Variants in PNISR observed in about 807,000 individuals in gnomAD.
The protein encoded by PNISR is PNN interacting serine and arginine rich protein.
PNISR carries 20 observed loss-of-function variants against 93.4 expected under a neutral mutation model. The ratio of observed to expected loss-of-function variants is 0.21; its 90% CI spans 0.15 to 0.31. PNISR has a LOEUF of 0.31. PNISR is among the 10% of genes least tolerant of loss of function. The pLI, the probability that PNISR is intolerant of heterozygous loss-of-function variation, is 1.00. For synonymous variants in PNISR, 305 were observed against 306.5 expected, an observed-to-expected ratio of 0.99 and a Z score of 0.05; for missense variants, 893 against 985.4, an observed-to-expected ratio of 0.91 and a Z score of 1.25.
At chr6:99,404,077 T>C in intron 9 of PNISR, 195 bp from the exon 10 acceptor site, 1 of 540,350 alleles carries the variant, frequency 1.9e-6, no homozygotes, top group East Asian at 3.0e-5. Context: ...TGAGCTGAAA[T>C]TGGTTTATAA....
At position 99,416,399 on chromosome 6, in the gene PNISR, T is replaced by A; in HGVS notation, c.-82A>T. 8.2e-7 allele frequency: 1 copy of A among 1,220,388 alleles called. No individual in the cohort carries two copies. Among genetic ancestry groups the A allele is most frequent in the Non-Finnish European group, 1.0e-6 (1 of 977,698 alleles). 75.6% of individuals were successfully genotyped at this position (1,220,388 alleles called of 1,614,324 possible). On this transcript the variant is annotated 5_prime_UTR_variant, in exon 2 of 12. Coordinates refer to ENST00000369239, the MANE Select transcript of PNISR (RefSeq NM_032870.4). ...ACTTAGGTTGATTCAGACTACAGCT[T>A]CGAAGCATAGCAGCAAGATTATGTA... is the stretch of plus-strand genomic sequence containing the variant.
chr6:99,419,842 T>C (rs1254521700), intron 1 of PNISR, among the ~76,000 whole-genome samples: 1 of 152,068 alleles, frequency 6.6e-6, no homozygotes, highest in African/African-American at 2.4e-5. Context: ...AGCTTGGCAG[T>C]TTTGAGAAGA....
At position 99,399,430 on chromosome 6, in the gene PNISR, G is replaced by A. The variant is rs994555226; in HGVS notation, c.*1110C>T. On this transcript the variant is annotated 3_prime_UTR_variant, in exon 12 of 12. Transcript: ENST00000369239. ...TAATACAGCATTCCTCCATTGATTT[G>A]AGGTCATATTATACTTTAAAAATAT... The A allele has an allele frequency of 6.6e-6, 1 of 152,014 alleles. No homozygotes were observed. The highest frequency in any genetic ancestry group is 1.5e-5 in the Non-Finnish European group (1 of 67,956). 9.4% of individuals were successfully genotyped at this position (152,014 alleles called of 1,614,324 possible).
intron 5 of PNISR, chr6:99,410,044 T>G (rs1200482312): frequency 6.6e-6 from 1 of 152,270 alleles, no homozygotes; most frequent in African/African-American, 2.4e-5. Context: ...TTATCAAATC[T>G]ACCCTAGAAT....
rs1417846736 is a variant in PNISR at position 99,402,702 on chromosome 6, C to T, written c.1165G>A (p.Gly389Ser). ...TCACTGTCTCCTGATCCATAACCAC[C>T]CAGTCCACCTGTGTGCATAAAGCTC... The part of the protein sequence containing the change: ...LASLTGLGGL[G>S]GYGSGDSEDE... Residue 389 changes from glycine to serine, a missense_variant, in exon 11 of 12, where the codon GGT becomes AGT. Physicochemically the swap from Gly to Ser is moderately conservative, Grantham distance 56. This residue lies in a region of PNISR where 866 missense variants were observed against 935.1 expected (regional missense o/e 0.93). Coordinates refer to ENST00000369239, the MANE Select transcript of PNISR (RefSeq NM_032870.4). The T allele has an allele frequency of 1.3e-6, 2 of 1,589,262 alleles. No individual in the cohort carries two copies. Among genetic ancestry groups the T allele is most frequent in the East Asian group, 2.2e-5 (1 of 44,580 alleles).
chr6:99,407,931 A>G, intron 7 of PNISR, 150 bp downstream of exon 7: 1 of 573,728 alleles, frequency 1.7e-6, no homozygotes. Context: ...AGTAACACAT[A>G]TATAAAATCA....
rs948734787 is a variant in PNISR at position 99,401,755 on chromosome 6, G to A, written c.1328-125C>T. On this transcript the variant is annotated intron_variant, in intron 11 of 11. Transcript: ENST00000369239. ...TCAATAGAATTACGATGCAAGCCAT[G>A]TAAGTAATTCAAAATTTTTTAGTAA... 11 of 681,332 alleles carry A rather than the reference G, an allele frequency of 1.6e-5. No homozygotes were observed. The African/African-American group carries it at 2.0e-4, about 13-fold the overall frequency. 42.2% of individuals were successfully genotyped at this position (681,332 alleles called of 1,614,324 possible). A position where few individuals can be genotyped will look rare whatever the true frequency, so the allele number is the denominator to read the frequency against.
At chr6:99,415,463 A>G (rs1256295015) in intron 2 of PNISR, 1 of 152,208 alleles carries the variant, frequency 6.6e-6, no homozygotes. Flanking sequence ...CTTTATGTTA[A>G]TAACTATTAA....
rs772583915 is a variant in PNISR, at chr6:99,410,944, G to A, written c.298C>T (p.Pro100Ser). Residue 100 changes from proline to serine, a missense_variant, in exon 5 of 12, where the codon CCC becomes TCC. Physicochemically the swap from Pro to Ser is moderately conservative, Grantham distance 74 (BLOSUM62 -1). Coordinates refer to ENST00000369239, the MANE Select transcript of PNISR (RefSeq NM_032870.4). Reference sequence around the variant, plus strand: ...GGCTGATCTGGAGGGGGGTGTGGGGGTTGCTGATGCATTCCCCATTCTATT... The same window carrying A: ...GGCTGATCTGGAGGGGGGTGTGGGGATTGCTGATGCATTCCCCATTCTATT... ...WQPEWGMHQQ[P>S]PHPPPDQPWM... The A allele has an allele frequency of 1.1e-5, 17 of 1,612,870 alleles. 1 individual carries two copies. In the South Asian group the frequency reaches 1.8e-4, roughly 17 times the overall value.
intron 1 of PNISR, among the ~76,000 whole-genome samples, chr6:99,419,315 A>C (rs1778235368): frequency 1.3e-5 from 2 of 152,120 alleles, no homozygotes; most frequent in African/African-American, 4.8e-5. Flanking sequence ...AATTGGCAGC[A>C]TATTTTGTAA....
chr6:99,403,548 T>TTA (rs112668668), intron 10 of PNISR: 10 of 193,510 alleles, frequency 5.2e-5, no homozygotes, highest in African/African-American at 1.4e-4. Flanking sequence ...TCATATATAA[T>TTA]TATATATATA....
intron 8 of PNISR, among the ~76,000 whole-genome samples, chr6:99,405,354 C>G (rs910789484): frequency 2.0e-5 from 3 of 152,014 alleles, no homozygotes; most frequent in Admixed American, 1.3e-4. Flanking sequence ...GCAATCCCAA[C>G]TACTCGGGAG....
At position 99,414,585 on chromosome 6, in the gene PNISR, G is replaced by A. The variant is rs1777417785; in HGVS notation, c.75C>T (p.His25=). 1 of 1,586,624 alleles carries A rather than the reference G, an allele frequency of 6.3e-7. No individual in the cohort carries two copies. Among genetic ancestry groups the A allele is most frequent in the Non-Finnish European group, 8.7e-7 (1 of 1,156,018 alleles). The change falls in exon 3 of 12, where the codon CAC becomes CAT. Residue 25 remains histidine, a synonymous_variant. Coordinates refer to ENST00000369239, the MANE Select transcript of PNISR (RefSeq NM_032870.4). ...TTGTTTCCTTACTTGGATCCTGTTGGTGCTGGAATGACTGCATCCATTGTT... is the reference window on the plus strand; with the variant it reads ...TTGTTTCCTTACTTGGATCCTGTTGATGCTGGAATGACTGCATCCATTGTT... ...NQQQWMQSFQ[H]QQDPSQIDWA...
rs1166838873 is a variant in PNISR, at chr6:99,419,152, C to CA, written c.-111-2725dup. The stretch of plus-strand genomic sequence containing the variant: ...TGGGTGCCAGAGCGAGACTCCGTCT[C>CA]AAAAAAAAAAAAAAAAAAAAAAAAA... On this transcript the variant is annotated intron_variant, in intron 1 of 11. Coordinates refer to ENST00000369239, the MANE Select transcript of PNISR (RefSeq NM_032870.4). 3.0e-3 allele frequency among the ~76,000 whole-genome samples: 60 copies of CA among 19,822 alleles called. 17 individuals are homozygous for CA. The highest frequency in any genetic ancestry group is 4.3e-3 in the Admixed American group (4 of 928). The allele number at this position is 19,822 out of a possible 152,430, so 13.0% of individuals were successfully genotyped here. A position where few individuals can be genotyped will look rare whatever the true frequency, so the allele number is the denominator to read the frequency against.
rs1435712414 is a variant in PNISR at position 99,423,341 on chromosome 6, CA to C, written c.-112+1873del. Among the ~76,000 whole-genome samples, 4 of 152,190 alleles carry C rather than the reference CA, an allele frequency of 2.6e-5. No homozygotes were observed. In the East Asian group the frequency reaches 7.7e-4, roughly 29 times the overall value. On this transcript the variant is annotated intron_variant, in intron 1 of 11. Coordinates refer to ENST00000369239, the MANE Select transcript of PNISR (RefSeq NM_032870.4). Reference sequence around the variant, plus strand: ...TAACAAATAAATGTGAGGGAAGACACAAATCTCCCACAGAGAATTCCAAATA... The same window carrying C: ...TAACAAATAAATGTGAGGGAAGACACAATCTCCCACAGAGAATTCCAAATA...
intron 7 of PNISR, among the ~76,000 whole-genome samples, chr6:99,407,637 A>G (rs2128483391): frequency 6.6e-6 from 1 of 152,356 alleles, no homozygotes; most frequent in Middle Eastern, 3.4e-3. Context: ...CACTCAAGCC[A>G]TCTAACTGAG....
chr6:99,406,276 AAT>A, intron 7 of PNISR, 108 bp from the exon 8 acceptor site: 1 of 542,728 alleles, frequency 1.8e-6, no homozygotes, highest in East Asian at 3.2e-5. Flanking sequence ...ATGAAACAGA[AAT>A]ATGAGTGAAA....
At chr6:99,424,900 G>C (rs1457273159) in intron 1 of PNISR, 1 of 244,980 alleles carries the variant, frequency 4.1e-6, no homozygotes, top group East Asian at 7.5e-5. Flanking sequence ...CCACAAGGGG[G>C]TTCCCACTGC....
intron 1 of PNISR, among the ~76,000 whole-genome samples, chr6:99,419,043 C>T (rs139423642): frequency 0.1 from 15,564 of 150,724 alleles, 924 homozygotes; most frequent in Admixed American, 0.17. Context: ...CCAGCTACTC[C>T]GGAGGCTGAG....
Sources: gnomAD v4.1 joint callset for allele counts (sites outside exome capture counted in the v4.1 genomes callset) on GRCh38, gnomAD v4.1.1 for gene constraint, gnomAD v4.1.1 regional missense constraint, MANE v1.5 for transcripts, NCBI Gene and HGNC (gene_info 2026-07-23, HGNC 2026-07-21) for gene names.